TOR1AIP2: variants seen among roughly 807,000 people sequenced by gnomAD.
TOR1AIP2 encodes the protein torsin-1A-interacting protein 2.
A neutral mutation model predicts 32.6 loss-of-function variants in TOR1AIP2; 20 were observed. The observed-to-expected ratio is 0.61, with a 90% CI of 0.43 to 0.89. The LOEUF (loss-of-function observed/expected upper bound fraction) is 0.89. Among genes scored for constraint, TOR1AIP2 ranks in the 40% least tolerant of loss-of-function variants. The pLI, the probability that TOR1AIP2 is intolerant of heterozygous loss-of-function variation, is 0.00. For synonymous variants in TOR1AIP2, 214 were observed against 210.8 expected, an observed-to-expected ratio of 1.02 and a Z score of -0.13; for missense variants, 456 against 553.8, an observed-to-expected ratio of 0.82 and a Z score of 1.77.
intron 3 of TOR1AIP2, chr1:179,863,283 C>A: frequency 1.0e-6 from 1 of 983,762 alleles, no homozygotes; most frequent in Middle Eastern, 5.2e-4. Flanking sequence ...TGTGGCCTAC[C>A]CAGGCAATGC....
rs1171425752 is a variant in TOR1AIP2 at position 179,843,339 on chromosome 1, C to T, written c.*2732G>A. 6.6e-6 allele frequency: 1 copy of T among 151,546 alleles called. No homozygotes were observed. The highest frequency in any genetic ancestry group is 1.5e-5 in the Non-Finnish European group (1 of 67,948). The allele number at this position is 151,546 out of a possible 1,614,324, so 9.4% of individuals were successfully genotyped here. ...TGGACAACATAGCAAAACCTCGTCTCTATTAAAAATACAATAATTAGCTGG... is the reference window on the plus strand; with the variant it reads ...TGGACAACATAGCAAAACCTCGTCTTTATTAAAAATACAATAATTAGCTGG... On this transcript the variant is annotated 3_prime_UTR_variant, in exon 7 of 7. Transcript: ENST00000609928.
rs1695796084 is a variant in TOR1AIP2 at position 179,843,596 on chromosome 1, A to C, written c.*2475T>G. On this transcript the variant is annotated 3_prime_UTR_variant, in exon 7 of 7. Transcript: ENST00000609928. Reference sequence around the variant, plus strand: ...AAACACTTTGGGACGCTGAGGTGGGAGGATCACTTGAGGCCAGGAGTTCAA... The same window carrying C: ...AAACACTTTGGGACGCTGAGGTGGGCGGATCACTTGAGGCCAGGAGTTCAA... The C allele has an allele frequency of 6.7e-6, 1 of 149,212 alleles. No individual in the cohort carries two copies. The allele number at this position is 149,212 out of a possible 1,614,324, so 9.2% of individuals were successfully genotyped here.
At chr1:179,875,574 T>C (rs1396831327) in intron 2 of TOR1AIP2, 1 of 152,196 alleles carries the variant, frequency 6.6e-6, no homozygotes, top group East Asian at 1.9e-4. Flanking sequence ...TGATAGATAC[T>C]CATGGTCAAG....
At position 179,847,645 on chromosome 1, in the gene TOR1AIP2, G is replaced by A; in HGVS notation, c.554-9C>T. 6.4e-7 allele frequency: 1 copy of A among 1,561,952 alleles called. No homozygotes were observed. Among genetic ancestry groups the A allele is most frequent in the South Asian group, 1.1e-5 (1 of 90,018 alleles). ...TGGATGACTTCCAGCCTCTGGAGAG[G>A]AAAAGAATCAATATTATTTTTAGGC... On this transcript the variant is annotated splice_polypyrimidine_tract_variant and intron_variant, in intron 5 of 6. Coordinates refer to ENST00000609928, the MANE Select transcript of TOR1AIP2 (RefSeq NM_001199260.2).
rs932293681 is a variant in TOR1AIP2 at position 179,842,595 on chromosome 1, T to C, written c.*3476A>G. 1 of 152,226 alleles carries C rather than the reference T, an allele frequency of 6.6e-6. No individual in the cohort carries two copies. The highest frequency in any genetic ancestry group is 2.4e-5 in the African/African-American group (1 of 41,462). The allele number at this position is 152,226 out of a possible 1,614,324, so 9.4% of individuals were successfully genotyped here. A position where few individuals can be genotyped will look rare whatever the true frequency, so the allele number is the denominator to read the frequency against. ...TAATTTATATTAATATACAGTGTAA[T>C]GAAAGTTGTTCTGTAAGAGTAACTA... On this transcript the variant is annotated 3_prime_UTR_variant, in exon 7 of 7. Transcript: ENST00000609928.
intron 2 of TOR1AIP2, among the ~76,000 whole-genome samples, chr1:179,871,362 C>T (rs1697003975): frequency 6.6e-6 from 1 of 152,182 alleles, no homozygotes; most frequent in South Asian, 2.1e-4. Context: ...GAAAATAGTA[C>T]TTTCACACCA....
rs1393044493 is a variant in TOR1AIP2 at position 179,840,535 on chromosome 1, G to A, written c.*5536C>T. 1 of 152,104 alleles carries A rather than the reference G, an allele frequency of 6.6e-6. No homozygotes were observed. The highest frequency in any genetic ancestry group is 1.5e-5 in the Non-Finnish European group (1 of 68,024). The allele number at this position is 152,104 out of a possible 1,614,324, so 9.4% of individuals were successfully genotyped here. Reference sequence around the variant, plus strand: ...GGGCACAGATAATGCAGATAATACTGGAAGGAAAGGTACTGAAGACTAAGG... The same window carrying A: ...GGGCACAGATAATGCAGATAATACTAGAAGGAAAGGTACTGAAGACTAAGG... On this transcript the variant is annotated 3_prime_UTR_variant, in exon 7 of 7. Transcript: ENST00000609928.
chr1:179,847,486 G>T, intron 6 of TOR1AIP2, 49 bp downstream of exon 6: 1 of 1,261,310 alleles, frequency 7.9e-7, no homozygotes, highest in South Asian at 1.2e-5. Context: ...TTTCACTGAG[G>T]ATTTCTGAAA....
chr1:179,848,023 A>T (rs1695978048), intron 5 of TOR1AIP2, among the ~76,000 whole-genome samples: 1 of 141,976 alleles, frequency 7.0e-6, no homozygotes. Context: ...ACAGAGCAAG[A>T]CTCCATCTCA....
At chr1:179,861,155 A>G in intron 3 of TOR1AIP2, 1 of 985,484 alleles carries the variant, frequency 1.0e-6, no homozygotes, top group Non-Finnish European at 1.2e-6. Context: ...CAATATTACC[A>G]ACTCTTCCAC....
rs1695713636 is a variant in TOR1AIP2, at chr1:179,841,398, A to G, written c.*4673T>C. Reference sequence around the variant, plus strand: ...AAAATGATATATTATTGGCTTTACAAAGACATACTGGTTTATGTTTACAAC... The same window carrying G: ...AAAATGATATATTATTGGCTTTACAGAGACATACTGGTTTATGTTTACAAC... On this transcript the variant is annotated 3_prime_UTR_variant, in exon 7 of 7. Coordinates refer to ENST00000609928, the MANE Select transcript of TOR1AIP2 (RefSeq NM_001199260.2). 6.6e-6 allele frequency: 1 copy of G among 152,246 alleles called. No homozygotes were observed. Among genetic ancestry groups the G allele is most frequent in the Non-Finnish European group, 1.5e-5 (1 of 68,032 alleles). The allele number at this position is 152,246 out of a possible 1,614,324, so 9.4% of individuals were successfully genotyped here.
At chr1:179,847,943 G>C (rs1458253762) in intron 5 of TOR1AIP2, among the ~76,000 whole-genome samples, 2 of 149,970 alleles carry the variant, frequency 1.3e-5, no homozygotes, top group Non-Finnish European at 3.0e-5. Context: ...TGAGGCAGGA[G>C]AATCGCTTGA....
intron 2 of TOR1AIP2, among the ~76,000 whole-genome samples, chr1:179,876,510 A>G (rs559442674): frequency 1.4e-4 from 22 of 152,360 alleles, no homozygotes; most frequent in Non-Finnish European, 2.6e-4. Flanking sequence ...CTCAGTTTTC[A>G]TAACAAATGT....
chr1:179,853,923 ATCT>A (rs1696205149), intron 3 of TOR1AIP2, among the ~76,000 whole-genome samples: 1 of 152,154 alleles, frequency 6.6e-6, no homozygotes. Flanking sequence ...CAGCTCTTTT[ATCT>A]TCTTCAAGCT....
chr1:179,862,538 C>T, intron 3 of TOR1AIP2: 2 of 985,426 alleles, frequency 2.0e-6, no homozygotes, highest in Non-Finnish European at 2.4e-6. Context: ...GGGGTACATT[C>T]TTCATACAGA....
Position 179,845,200 on chromosome 1 carries a change from A to G in TOR1AIP2, c.*871T>C, listed in dbSNP as rs575831165. 34 of 152,204 alleles carry G rather than the reference A, an allele frequency of 2.2e-4. 1 individual carries two copies. The highest frequency in any genetic ancestry group is 3.9e-4 in the Admixed American group (6 of 15,272). 9.4% of individuals were successfully genotyped at this position (152,204 alleles called of 1,614,324 possible). A position where few individuals can be genotyped will look rare whatever the true frequency, so the allele number is the denominator to read the frequency against. ...CTTAATCAATGGTTTTCAAACTCGA[A>G]TATCAGTGAAACTCTTTGTTCCAAT... On this transcript the variant is annotated 3_prime_UTR_variant, in exon 7 of 7. Coordinates refer to ENST00000609928, the MANE Select transcript of TOR1AIP2 (RefSeq NM_001199260.2).
intron 3 of TOR1AIP2, chr1:179,863,494 T>C (rs1373183753): frequency 2.0e-6 from 2 of 984,850 alleles, no homozygotes; most frequent in East Asian, 1.1e-4. Context: ...AGAAGTCATA[T>C]TGTACTCATT....
chr1:179,861,433 G>A (rs1696525420), intron 3 of TOR1AIP2: 2 of 984,770 alleles, frequency 2.0e-6, no homozygotes, highest in Admixed American at 6.2e-5. Context: ...ACTACATGAT[G>A]TTGATTTCTG....
chr1:179,863,884 T>C (rs1164604845), intron 3 of TOR1AIP2: 1 of 985,302 alleles, frequency 1.0e-6, no homozygotes, highest in Non-Finnish European at 1.2e-6. Context: ...TCCATGATTT[T>C]CATGAAAGTC....
Sources: allele counts gnomAD v4.1 joint callset (sites outside exome capture counted in the v4.1 genomes callset), GRCh38; gene constraint gnomAD v4.1.1; transcripts MANE v1.5; gene names NCBI Gene and HGNC (gene_info 2026-07-23, HGNC 2026-07-21).